The following DENND2C variants were observed in gnomAD, a reference collection of about 807,000 sequenced individuals.
DENND2C encodes DENN domain-containing protein 2C.
A neutral mutation model predicts 112.4 loss-of-function variants in DENND2C; 72 were observed. The ratio of observed to expected loss-of-function variants is 0.64; its 90% CI spans 0.53 to 0.78. The LOEUF is 0.78. DENND2C is among the 30% of genes least tolerant of loss of function. DENND2C has a pLI of 0.00. For synonymous variants in DENND2C, 329 were observed against 381.6 expected (o/e 0.86, Z 1.61); for missense variants, 992 against 1,113.8 (o/e 0.89, Z 1.56).
At chr1:114,669,383 T>C (rs544498648) in intron 1 of DENND2C, among the ~76,000 whole-genome samples, 36 of 152,310 alleles carry the variant, frequency 2.4e-4, no homozygotes, top group African/African-American at 8.4e-4. Context: ...GGCCCTAGAC[T>C]TGAGCCTTTT....
Position 114,601,545 on chromosome 1 carries a change from A to G in DENND2C, c.1778T>C (p.Met593Thr). 1 of 1,613,750 alleles carries G rather than the reference A, an allele frequency of 6.2e-7. No individual in the cohort carries two copies. The highest frequency in any genetic ancestry group is 8.5e-7 in the Non-Finnish European group (1 of 1,179,788). The change falls in exon 13 of 21, where the codon ATG becomes ACG. Residue 593 changes from methionine to threonine, a missense_variant. Met to Thr is a moderately conservative substitution (Grantham distance 81, BLOSUM62 -1). Coordinates refer to ENST00000393274, the MANE Select transcript of DENND2C (RefSeq NM_001256404.2). ...ATTGAAGCAGCCTAGGCGACTAACC[A>G]TGCAGTATACCTCAGGGAGTCGCTT... ...KGKRLPEVYC[M>T]VSRLGCFNLF...
intron 20 of DENND2C, among the ~76,000 whole-genome samples, chr1:114,586,359 AT>A (rs918198020): frequency 6.6e-6 from 1 of 152,222 alleles, no homozygotes; most frequent in Non-Finnish European, 1.5e-5. Flanking sequence ...ATTTATTTAT[AT>A]GCTGTAAATA....
chr1:114,635,578 CAG>C (rs1656632624), intron 3 of DENND2C, among the ~76,000 whole-genome samples: 1 of 152,038 alleles, frequency 6.6e-6, no homozygotes, highest in Non-Finnish European at 1.5e-5. Flanking sequence ...ATTCAGAAAA[CAG>C]AGGAAGTAGA....
intron 2 of DENND2C, among the ~76,000 whole-genome samples, chr1:114,652,239 G>A (rs1211846631): frequency 6.6e-6 from 1 of 152,166 alleles, no homozygotes; most frequent in African/African-American, 2.4e-5. Context: ...CAAAATAAAA[G>A]TGGGGAAAAG....
chr1:114,625,044 A>T, intron 4 of DENND2C, 135 bp downstream of exon 4: 1 of 802,276 alleles, frequency 1.2e-6, no homozygotes, highest in Non-Finnish European at 1.9e-6. Flanking sequence ...CTTCCACATT[A>T]ATCAACACCT....
At chr1:114,665,271 GA>G (rs60777854) in intron 1 of DENND2C, among the ~76,000 whole-genome samples, 100,610 of 119,270 alleles carry the variant, frequency 0.84, 42,066 homozygotes, top group African/African-American at 0.93. Flanking sequence ...CCTGTCTCTT[GA>G]AAAAAAAAAA....
At chr1:114,591,419 T>G (rs946132947) in intron 18 of DENND2C, among the ~76,000 whole-genome samples, 10 of 152,232 alleles carry the variant, frequency 6.6e-5, no homozygotes, top group African/African-American at 2.4e-4. Flanking sequence ...CTTTGAATGT[T>G]TGTTCCTATC....
intron 3 of DENND2C, among the ~76,000 whole-genome samples, chr1:114,634,908 A>G (rs1486047459): frequency 6.6e-6 from 1 of 151,732 alleles, no homozygotes; most frequent in African/African-American, 2.4e-5. Context: ...TGCACCTGTA[A>G]TCCCAGCTAC....
At chr1:114,661,035 C>T (rs1046621430) in intron 1 of DENND2C, among the ~76,000 whole-genome samples, 1 of 149,554 alleles carries the variant, frequency 6.7e-6, no homozygotes, top group East Asian at 2.0e-4. Flanking sequence ...CGCTTGAACC[C>T]GGGAGGCGGA....
At chr1:114,610,648 C>T (rs1366182394) in intron 9 of DENND2C, among the ~76,000 whole-genome samples, 1 of 150,476 alleles carries the variant, frequency 6.6e-6, no homozygotes, top group Admixed American at 6.6e-5. Context: ...TGCAGTGAGC[C>T]GAGCTTGCGC....
intron 3 of DENND2C, among the ~76,000 whole-genome samples, chr1:114,639,964 T>C (rs1656778090): frequency 6.9e-6 from 1 of 144,260 alleles, no homozygotes; most frequent in Non-Finnish European, 1.6e-5. Context: ...CTGCATAATA[T>C]GTGGGACTGC....
In DENND2C at chr1:114,604,990, T is replaced by A; in HGVS notation, c.1599A>T (p.Arg533Ser). 1 of 1,613,782 alleles carries A rather than the reference T, an allele frequency of 6.2e-7. No homozygotes were observed. Among genetic ancestry groups the A allele is most frequent in the Non-Finnish European group, 8.5e-7 (1 of 1,179,934 alleles). The change falls in exon 11 of 21, where the codon AGA (arginine) becomes AGT (serine). Residue 533 changes from arginine (R) to serine (S), a missense_variant. Physicochemically the swap from Arg to Ser is moderately radical, Grantham distance 110. Around this residue, in one of 3 missense-constraint regions of DENND2C, gnomAD observed 516 missense variants for 623.6 expected, o/e 0.83. Coordinates refer to ENST00000393274, the MANE Select transcript of DENND2C (RefSeq NM_001256404.2). ...AACAAAATTTTGGAATAACTTTAAG[T>A]CTCTCTTCCATGTCTTTGGACTGCT... Reference protein sequence around the residue: ...GYKQSKDMEERLKVIPKFCFP... With the variant: ...GYKQSKDMEESLKVIPKFCFP...
chr1:114,666,035 C>A (rs902292885), intron 1 of DENND2C, among the ~76,000 whole-genome samples: 3 of 152,142 alleles, frequency 2.0e-5, no homozygotes, highest in Admixed American at 2.0e-4. Context: ...CAATTATCTT[C>A]CTCCAATATT....
chr1:114,619,533 C>G (rs1038256194), intron 7 of DENND2C, among the ~76,000 whole-genome samples: 5 of 152,098 alleles, frequency 3.3e-5, no homozygotes, highest in African/African-American at 7.2e-5. Flanking sequence ...CACTCACCCC[C>G]CAAAAAACAT....
Position 114,605,022 on chromosome 1 carries a change from C to T in DENND2C, c.1567G>A (p.Gly523Ser), listed in dbSNP as rs762755919. 1.9e-5 allele frequency: 31 copies of T among 1,610,998 alleles called. No homozygotes were observed. The Admixed American group carries it at 4.0e-4, about 21-fold the overall frequency. ...IQQFPGKDDH[G>S]YKQSKDMEER... ...TCCATGTCTTTGGACTGCTTATAGC[C>T]ATGATCATCCTGAAAAAGATAACAC... is the stretch of plus-strand genomic sequence containing the variant. The change falls in exon 11 of 21, where the codon GGC becomes AGC. Residue 523 changes from glycine (G) to serine (S), a missense_variant. This residue lies in a region of DENND2C where 516 missense variants were observed against 623.6 expected (regional missense o/e 0.83). Transcript: ENST00000393274.
At chr1:114,635,026 T>TAAAAAAA (rs374636363) in intron 3 of DENND2C, among the ~76,000 whole-genome samples, 1 of 94,712 alleles carries the variant, frequency 1.1e-5, no homozygotes, top group Non-Finnish European at 2.0e-5. Flanking sequence ...AGACTCCGTC[T>TAAAAAAA]AAAAAAAAAA....
intron 2 of DENND2C, among the ~76,000 whole-genome samples, chr1:114,646,075 C>G (rs1005751704): frequency 6.6e-6 from 1 of 151,908 alleles, no homozygotes; most frequent in African/African-American, 2.4e-5. Flanking sequence ...TACAGGCGCC[C>G]GCCACCACAC....
At chr1:114,644,062 TA>T (rs1656914249) in intron 3 of DENND2C, among the ~76,000 whole-genome samples, 4 of 152,314 alleles carry the variant, frequency 2.6e-5, no homozygotes, top group Middle Eastern at 6.8e-3. Context: ...TCCCCATAAC[TA>T]ATCCAATGGT....
intron 1 of DENND2C, among the ~76,000 whole-genome samples, chr1:114,668,002 G>A (rs1008431333): frequency 2.6e-5 from 4 of 152,072 alleles, no homozygotes; most frequent in East Asian, 1.9e-4. Context: ...GTTACCATCC[G>A]CTTTAAAAAC....
Sources: gnomAD v4.1 joint callset for allele counts (sites outside exome capture counted in the v4.1 genomes callset) on GRCh38, gnomAD v4.1.1 for gene constraint, gnomAD v4.1.1 regional missense constraint, MANE v1.5 for transcripts, NCBI Gene and HGNC (gene_info 2026-07-23, HGNC 2026-07-21) for gene names.